The following ACOXL variants were observed in gnomAD, a reference collection of about 807,000 sequenced individuals.
The protein encoded by ACOXL is acyl-CoA oxidase like.
Under a neutral mutation model 71.9 loss-of-function variants are expected in ACOXL, and 70 were observed. The observed-to-expected ratio is 0.97, with a 90% CI of 0.80 to 1.19. The LOEUF (loss-of-function observed/expected upper bound fraction) is 1.19. Ranked by LOEUF, ACOXL falls within the 50% of genes most tolerant of loss-of-function variation. ACOXL has a pLI of 0.00. For synonymous variants in ACOXL, 253 were observed against 281.6 expected (o/e 0.90, Z 1.02); for missense variants, 703 against 736.3 (o/e 0.95, Z 0.52).
intron 12 of ACOXL, among the ~76,000 whole-genome samples, chr2:110,949,457 T>C (rs1489698957): frequency 6.6e-6 from 1 of 152,114 alleles, no homozygotes; most frequent in African/African-American, 2.4e-5. Flanking sequence ...AACCCCAAAG[T>C]TCTGGGGCTC....
chr2:111,069,459 T>A (rs540480049), intron 16 of ACOXL, among the ~76,000 whole-genome samples: 6 of 152,266 alleles, frequency 3.9e-5, no homozygotes, highest in Admixed American at 3.3e-4. Flanking sequence ...GCCTCCCTCT[T>A]CTTATAAGGA....
chr2:110,897,781 T>C (rs750666246), intron 10 of ACOXL, among the ~76,000 whole-genome samples: 10 of 151,666 alleles, frequency 6.6e-5, no homozygotes, highest in Non-Finnish European at 1.0e-4. Context: ...AACAGAACAA[T>C]AGAGAATATC....
At chr2:110,831,347 A>G (rs1331275799) in intron 9 of ACOXL, among the ~76,000 whole-genome samples, 1 of 152,258 alleles carries the variant, frequency 6.6e-6, no homozygotes, top group East Asian at 1.9e-4. Flanking sequence ...AGCAATGAAC[A>G]CAAGTTAAAA....
intron 16 of ACOXL, among the ~76,000 whole-genome samples, chr2:111,055,289 C>T (rs558270368): frequency 2.0e-5 from 3 of 152,346 alleles, no homozygotes; most frequent in South Asian, 2.1e-4. Context: ...ACCTCACAGG[C>T]GGCTAGCAGC....
intron 12 of ACOXL, among the ~76,000 whole-genome samples, chr2:110,983,673 A>T (rs1427962346): frequency 6.6e-6 from 1 of 152,240 alleles, no homozygotes; most frequent in Non-Finnish European, 1.5e-5. Context: ...GTAAAACACC[A>T]GGCTTACAGG....
Position 110,921,364 on chromosome 2 carries a change from C to G in ACOXL, c.906-12125C>G, listed in dbSNP as rs143210807. On this transcript the variant is annotated intron_variant, in intron 11 of 17. Transcript: ENST00000439055. The stretch of plus-strand genomic sequence containing the variant: ...TAAGTTGCTCTCTCTTGCTCTCTCT[C>G]TCTCTCTGTGTCTCTATATATCCAC... Among the ~76,000 whole-genome samples, 1,044 of 145,926 alleles carry G rather than the reference C, an allele frequency of 7.2e-3. 15 individuals are homozygous for G. Among genetic ancestry groups the G allele is most frequent in the African/African-American group, 0.024 (966 of 39,472 alleles).
intron 1 of ACOXL, among the ~76,000 whole-genome samples, chr2:110,752,978 T>C (rs1008480526): frequency 5.9e-5 from 9 of 152,100 alleles, no homozygotes; most frequent in African/African-American, 2.2e-4. Context: ...TTTGGATGTT[T>C]TTCCCTTCCA....
chr2:110,938,459 T>C (rs993189437), intron 12 of ACOXL, among the ~76,000 whole-genome samples: 20 of 152,238 alleles, frequency 1.3e-4, no homozygotes, highest in Non-Finnish European at 2.4e-4. Flanking sequence ...GCATGGTGCT[T>C]GGCACATATG....
chr2:111,106,599 G>T (rs944308893), intron 17 of ACOXL, among the ~76,000 whole-genome samples: 36 of 152,098 alleles, frequency 2.4e-4, no homozygotes, highest in Non-Finnish European at 1.0e-4. Context: ...AGTGACTTTT[G>T]ATCGAAACAT....
At chr2:111,038,437 C>A (rs2065626606) in intron 15 of ACOXL, among the ~76,000 whole-genome samples, 1 of 152,210 alleles carries the variant, frequency 6.6e-6, no homozygotes. Context: ...TTGTTTCCCA[C>A]TCTGTGATCA....
At chr2:111,101,665 A>T (rs1477843165) in intron 17 of ACOXL, among the ~76,000 whole-genome samples, 1 of 151,812 alleles carries the variant, frequency 6.6e-6, no homozygotes. Flanking sequence ...GGAAAAAAAA[A>T]AAAAACTGTT....
chr2:111,003,733 G>C (rs572774736), intron 14 of ACOXL, among the ~76,000 whole-genome samples: 1 of 152,046 alleles, frequency 6.6e-6, no homozygotes, highest in South Asian at 2.1e-4. Context: ...CCTTGCACTC[G>C]TGTTAAATAT....
chr2:111,013,867 G>A (rs1430140683), intron 14 of ACOXL, among the ~76,000 whole-genome samples: 1 of 150,238 alleles, frequency 6.7e-6, no homozygotes, highest in Non-Finnish European at 1.5e-5. Flanking sequence ...ACGAATATAG[G>A]TGAAAATACA....
At chr2:110,775,226 C>T (rs1169847834) in intron 2 of ACOXL, among the ~76,000 whole-genome samples, 3 of 152,100 alleles carry the variant, frequency 2.0e-5, no homozygotes, top group Admixed American at 1.3e-4. Flanking sequence ...TCAAAGAAAG[C>T]ATAAAGAAAG....
chr2:110,972,109 A>G (rs1359636221), intron 12 of ACOXL, among the ~76,000 whole-genome samples: 4 of 152,196 alleles, frequency 2.6e-5, no homozygotes, highest in Non-Finnish European at 5.9e-5. Flanking sequence ...TGTTTATCAC[A>G]TACGTGGGAG....
At chr2:110,773,495 G>A (rs1682237297) in intron 2 of ACOXL, among the ~76,000 whole-genome samples, 1 of 152,156 alleles carries the variant, frequency 6.6e-6, no homozygotes, top group South Asian at 2.1e-4. Context: ...GCCCCACCCT[G>A]TTGCCCACAA....
At position 111,064,982 on chromosome 2, in the gene ACOXL, T is replaced by G. The variant is rs1030852834; in HGVS notation, c.1440+15694T>G. On this transcript the variant is annotated intron_variant, in intron 16 of 17. Transcript: ENST00000439055. The stretch of plus-strand genomic sequence containing the variant: ...ATTTTTATCAAAATTTCAGCAAGAT[T>G]TTTTTATTGCTATAGACAAACTTAT... Among the ~76,000 whole-genome samples the G allele has an allele frequency of 3.3e-5, 5 of 152,214 alleles. No homozygotes were observed. In the South Asian group the frequency reaches 1.0e-3, roughly 32 times the overall value.
At chr2:110,773,165 A>G (rs546864092) in intron 2 of ACOXL, among the ~76,000 whole-genome samples, 1 of 152,304 alleles carries the variant, frequency 6.6e-6, no homozygotes, top group Non-Finnish European at 1.5e-5. Flanking sequence ...GTTGCATTAT[A>G]TTTATATTAC....
At chr2:110,930,637 G>A (rs999179492) in intron 11 of ACOXL, among the ~76,000 whole-genome samples, 3 of 152,168 alleles carry the variant, frequency 2.0e-5, no homozygotes, top group Non-Finnish European at 4.4e-5. Flanking sequence ...ATCTCATCTT[G>A]CATTGTAGCT....
Sources: allele counts gnomAD v4.1 joint callset (sites outside exome capture counted in the v4.1 genomes callset), GRCh38; gene constraint gnomAD v4.1.1; transcripts MANE v1.5; gene names NCBI Gene and HGNC (gene_info 2026-07-23, HGNC 2026-07-21).